Variants in DPP6 observed in about 807,000 individuals in gnomAD.
DPP6 encodes the protein A-type potassium channel modulatory protein DPP6.
DPP6 carries 69 observed loss-of-function variants against 122.6 expected under a neutral mutation model. The ratio of observed to expected loss-of-function variants is 0.56; its 90% confidence interval spans 0.46 to 0.69. The LOEUF (loss-of-function observed/expected upper bound fraction) is 0.69. Ranked by LOEUF, DPP6 falls within the 30% of genes least tolerant of loss-of-function variation. The pLI, the probability that DPP6 is intolerant of heterozygous loss-of-function variation, is 0.00. For synonymous variants in DPP6, 418 were observed against 433.1 expected, an observed-to-expected ratio of 0.97 and a Z score of 0.43; for missense variants, 928 against 1,116.9, an observed-to-expected ratio of 0.83 and a Z score of 2.41.
At chr7:153,755,705 C>T in the DPP6 span, among the ~76,000 whole-genome samples, 3 of 152,144 alleles carry the variant, frequency 2.0e-5, no homozygotes, top group African/African-American at 7.2e-5. Flanking sequence ...TCCTCCTCTT[C>T]ATGGCTTAAA....
Position 154,606,851 on chromosome 7 carries a change from G to A in DPP6, c.628-30970G>A, listed in dbSNP as rs755109973. 2.5e-4 allele frequency among the ~76,000 whole-genome samples: 30 copies of A among 120,724 alleles called. 10 individuals carry two copies. The highest frequency in any genetic ancestry group is 5.2e-4 in the Non-Finnish European group (28 of 53,656). The allele number at this position is 120,724 out of a possible 152,430, so 79.2% of individuals were successfully genotyped here. A position where few individuals can be genotyped will look rare whatever the true frequency, so the allele number is the denominator to read the frequency against. On this transcript the variant is annotated intron_variant, in intron 5 of 25. Coordinates refer to ENST00000377770, the MANE Select transcript of DPP6 (RefSeq NM_130797.4). ...ACACAAATTATAAAAAGTTAAAATT[G>A]ATCAAAACTTTTATACACACACATA...
chr7:154,704,398 A>G (rs1840706306), intron 7 of DPP6, among the ~76,000 whole-genome samples: 1 of 152,260 alleles, frequency 6.6e-6, no homozygotes, highest in Non-Finnish European at 1.5e-5. Flanking sequence ...CCATAAACAT[A>G]GTTGAGAAAG....
chr7:154,229,755 A>C (rs1168362358), intron 1 of DPP6, among the ~76,000 whole-genome samples: 1 of 152,042 alleles, frequency 6.6e-6, no homozygotes, highest in Non-Finnish European at 1.5e-5. Context: ...ATTTTATCAG[A>C]ATTCATGTTG....
chr7:154,760,988 C>T lies in DPP6; in HGVS notation c.884-8429C>T, dbSNP rs758427182. 1.3e-5 allele frequency among the ~76,000 whole-genome samples: 2 copies of T among 152,074 alleles called. No individual in the cohort carries two copies. The highest frequency in any genetic ancestry group is 2.9e-5 in the Non-Finnish European group (2 of 68,008). ...TAGCTGGGACTACAGGCGCCTGCCA[C>T]CATGCCCGGCTAATTTTTGTATTTT... is the stretch of plus-strand genomic sequence containing the variant. On this transcript the variant is annotated intron_variant, in intron 8 of 25. Coordinates refer to ENST00000377770, the MANE Select transcript of DPP6 (RefSeq NM_130797.4). This position sits in a 1 kb window ranked among gnomAD's most constrained non-coding sequence, Gnocchi z 4.5.
At chr7:153,841,047 G>A in the DPP6 span, among the ~76,000 whole-genome samples, 2 of 152,166 alleles carry the variant, frequency 1.3e-5, no homozygotes, top group African/African-American at 2.4e-5. Context: ...TCTGGAAATA[G>A]CAGAAGAGCC....
At chr7:154,612,385 T>C (rs760266364) in intron 5 of DPP6, among the ~76,000 whole-genome samples, 3 of 152,252 alleles carry the variant, frequency 2.0e-5, no homozygotes, top group Non-Finnish European at 4.4e-5. Flanking sequence ...ATTTCAAGAA[T>C]GTTATATAAA....
At chr7:154,670,004 C>T (rs1032402982) in intron 7 of DPP6, among the ~76,000 whole-genome samples, 4 of 152,136 alleles carry the variant, frequency 2.6e-5, no homozygotes, top group South Asian at 2.1e-4. Flanking sequence ...GGATCACAGG[C>T]GTACTCCACC....
chr7:154,559,958 G>T (rs1460097029), intron 4 of DPP6, among the ~76,000 whole-genome samples: 4 of 118,054 alleles, frequency 3.4e-5, no homozygotes, highest in Non-Finnish European at 7.0e-5. Context: ...ATATATATAA[G>T]ATATATATAA....
At chr7:154,597,937 C>T (rs1461798850) in intron 5 of DPP6, among the ~76,000 whole-genome samples, 1 of 152,192 alleles carries the variant, frequency 6.6e-6, no homozygotes, top group Non-Finnish European at 1.5e-5. Context: ...TTTACACCGA[C>T]ACCAGTCATT....
At chr7:154,692,781 C>CTTTTT (rs200799193) in intron 7 of DPP6, among the ~76,000 whole-genome samples, 2 of 141,496 alleles carry the variant, frequency 1.4e-5, no homozygotes, top group African/African-American at 5.1e-5. Context: ...TTCTCTCTCT[C>CTTTTT]TTTTTTTTTT....
At chr7:154,059,615 A>T (rs1801380248) in intron 1 of DPP6, 1 of 149,262 alleles carries the variant, frequency 6.7e-6, no homozygotes, top group African/African-American at 2.5e-5. Flanking sequence ...ATGAGGTCAC[A>T]AAGGGGGCGG....
chr7:154,062,319 G>A (rs374978820), intron 1 of DPP6, among the ~76,000 whole-genome samples: 899 of 54,212 alleles, frequency 0.017, 59 homozygotes, highest in African/African-American at 0.031. Flanking sequence ...GACCCCCATC[G>A]CAGGAGGGGG....
intron 1 of DPP6, among the ~76,000 whole-genome samples, chr7:154,186,716 G>T (rs940215375): frequency 6.6e-6 from 1 of 152,298 alleles, no homozygotes. Flanking sequence ...ATACTCCAAA[G>T]AATTCCTTAA....
chr7:154,033,814 C>T (rs1042117950), intron 1 of DPP6, among the ~76,000 whole-genome samples: 4 of 151,072 alleles, frequency 2.6e-5, no homozygotes, highest in South Asian at 2.1e-4. Context: ...CCTCTTCTTA[C>T]TTGGTGCCCA....
At chr7:153,989,429 C>T (rs1032978956) in intron 1 of DPP6, among the ~76,000 whole-genome samples, 12 of 151,282 alleles carry the variant, frequency 7.9e-5, no homozygotes, top group African/African-American at 2.7e-4. Flanking sequence ...GGGCGGGCCG[C>T]GCTTGGCATT....
At chr7:154,209,216 G>C (rs773366679) in intron 1 of DPP6, among the ~76,000 whole-genome samples, 23 of 151,056 alleles carry the variant, frequency 1.5e-4, no homozygotes, top group Middle Eastern at 6.8e-3. Context: ...TGTCTCAGTC[G>C]TGAAAAAAAC....
chr7:153,902,468 G>A (rs1230158366), intron 1 of DPP6, among the ~76,000 whole-genome samples: 1 of 152,120 alleles, frequency 6.6e-6, no homozygotes, highest in Non-Finnish European at 1.5e-5. Context: ...TTGGGAACAA[G>A]ATCCCCGGGT....
intron 1 of DPP6, among the ~76,000 whole-genome samples, chr7:154,119,682 A>G: frequency 7.2e-6 from 1 of 138,788 alleles, no homozygotes; most frequent in Non-Finnish European, 1.6e-5. Context: ...GCTAGCATAC[A>G]GGTAGATGAA....
chr7:154,692,510 C>T (rs1255373907), intron 7 of DPP6, among the ~76,000 whole-genome samples: 1 of 152,102 alleles, frequency 6.6e-6, no homozygotes, highest in Non-Finnish European at 1.5e-5. Flanking sequence ...AAATTGTATC[C>T]TCATGTGCAT....
Sources: gnomAD v4.1 joint callset for allele counts (sites outside exome capture counted in the v4.1 genomes callset) on GRCh38, gnomAD v4.1.1 for gene constraint, Gnocchi (gnomAD v3.1) non-coding constraint, MANE v1.5 for transcripts, NCBI Gene and HGNC (gene_info 2026-07-23, HGNC 2026-07-21) for gene names.